PPFIA1: variants seen among roughly 807,000 people sequenced by gnomAD.
The protein encoded by PPFIA1 is liprin-alpha-1.
A neutral mutation model predicts 149.9 loss-of-function variants in PPFIA1; 25 were observed. The observed-to-expected ratio is 0.17, with a 90% CI of 0.12 to 0.23. The LOEUF (loss-of-function observed/expected upper bound fraction) is 0.23. Ranked by LOEUF, PPFIA1 falls within the 10% of genes least tolerant of loss-of-function variation. PPFIA1 has a pLI of 1.00. For synonymous variants in PPFIA1, 549 were observed against 552.8 expected, an observed-to-expected ratio of 0.99 and a Z score of 0.10; for missense variants, 1,362 against 1,506.5, an observed-to-expected ratio of 0.90 and a Z score of 1.59.
intron 2 of PPFIA1, chr11:70,279,059 C>A: frequency 7.8e-6 from 4 of 514,358 alleles, no homozygotes; most frequent in Non-Finnish European, 1.5e-5. Flanking sequence ...GGGTAGTATG[C>A]TTTACTGTGA....
At chr11:70,293,263 C>T (rs2051661752) in intron 2 of PPFIA1, among the ~76,000 whole-genome samples, 1 of 152,180 alleles carries the variant, frequency 6.6e-6, no homozygotes, top group South Asian at 2.1e-4. Context: ...CAGTTTTTTT[C>T]CCCTTCTTCA....
At chr11:70,271,411 C>T (rs1432646111) in intron 1 of PPFIA1, 1 of 152,424 alleles carries the variant, frequency 6.6e-6, no homozygotes, top group East Asian at 1.9e-4. Context: ...TTCCCTGGCG[C>T]TGTCTTTATA....
At chr11:70,299,544 C>G (rs2052331837) in intron 2 of PPFIA1, among the ~76,000 whole-genome samples, 2 of 152,150 alleles carry the variant, frequency 1.3e-5, no homozygotes, top group African/African-American at 2.4e-5. Flanking sequence ...CAGCCTTTAT[C>G]GTGGGGTCTT....
At chr11:70,355,506 T>C (rs1450174236) in intron 17 of PPFIA1, 133 bp from the exon 18 acceptor site, 1 of 865,058 alleles carries the variant, frequency 1.2e-6, no homozygotes, top group Non-Finnish European at 1.7e-6. Flanking sequence ...TCTGCCTTTA[T>C]CATGCATGAT....
At chr11:70,358,083 A>G (rs2056442803) in intron 19 of PPFIA1, 1 of 152,202 alleles carries the variant, frequency 6.6e-6, no homozygotes, top group Admixed American at 6.5e-5. Context: ...CTTGGGATCC[A>G]TGTGGAAGTT....
At chr11:70,311,415 C>T (rs770793817) in intron 2 of PPFIA1, among the ~76,000 whole-genome samples, 1 of 152,126 alleles carries the variant, frequency 6.6e-6, no homozygotes, top group African/African-American at 2.4e-5. Flanking sequence ...CCACTTCATG[C>T]GTCGGAATGC....
intron 2 of PPFIA1, among the ~76,000 whole-genome samples, chr11:70,274,313 A>G (rs1244549429): frequency 1.3e-5 from 2 of 152,152 alleles, no homozygotes; most frequent in East Asian, 1.9e-4. Flanking sequence ...AAATTCACAA[A>G]TCGTAAGTAT....
At chr11:70,343,552 C>T in intron 14 of PPFIA1, 117 bp from the exon 15 acceptor site, 3 of 870,402 alleles carry the variant, frequency 3.4e-6, no homozygotes, top group Non-Finnish European at 5.4e-6. Flanking sequence ...AAGCATGGCC[C>T]ATCTTTCTAA....
intron 2 of PPFIA1, among the ~76,000 whole-genome samples, chr11:70,321,892 G>A (rs565364538): frequency 2.8e-4 from 43 of 152,294 alleles, no homozygotes; most frequent in African/African-American, 1.0e-3. Context: ...TTTTTGAGAT[G>A]GAGTTTCGCT....
At chr11:70,335,866 T>C (rs1233797344) in intron 11 of PPFIA1, among the ~76,000 whole-genome samples, 172 bp downstream of exon 11, 6 of 152,200 alleles carry the variant, frequency 3.9e-5, no homozygotes, top group Admixed American at 6.5e-5. Flanking sequence ...AATTAACTTA[T>C]TGTTTGCTAA....
At chr11:70,349,640 G>C (rs935400725) in intron 16 of PPFIA1, among the ~76,000 whole-genome samples, 1 of 152,044 alleles carries the variant, frequency 6.6e-6, no homozygotes, top group Non-Finnish European at 1.5e-5. Context: ...TTAAATCGAC[G>C]GTGAATCATT....
At chr11:70,382,488 G>A (rs1291755431) in intron 27 of PPFIA1, among the ~76,000 whole-genome samples, 2 of 152,150 alleles carry the variant, frequency 1.3e-5, no homozygotes, top group African/African-American at 4.8e-5. Context: ...GAGAGCGTCA[G>A]GGGAGAGTCT....
At position 70,356,217 on chromosome 11, in the gene PPFIA1, G is replaced by C. The variant is rs541483000; in HGVS notation, c.2545G>C (p.Gly849Arg). 19 of 1,613,762 alleles carry C rather than the reference G, an allele frequency of 1.2e-5. No homozygotes were observed. Among genetic ancestry groups the C allele is most frequent in the East Asian group, 2.2e-5 (1 of 44,878 alleles). ...SQDALGLSKL[G>R]GQAEKNRKLQ... is the part of the protein sequence containing the mutation. ...GGATGCCTTGGGACTTAGCAAATTG[G>C]GGGGACAGGCTGAAAAAAATCGTAA... is the stretch of plus-strand genomic sequence containing the variant. The change falls in exon 19 of 28, where the codon GGG (glycine) becomes CGG (arginine). Residue 849 changes from glycine (G) to arginine (R), a missense_variant. Around this residue, in one of 7 missense-constraint regions of PPFIA1, gnomAD observed 91 missense variants for 91.2 expected, o/e 1.00. Transcript: ENST00000253925.
chr11:70,366,633 A>G (rs1011661939), intron 21 of PPFIA1, among the ~76,000 whole-genome samples: 3 of 152,240 alleles, frequency 2.0e-5, no homozygotes, highest in East Asian at 3.8e-4. Context: ...TCAGTGGCAC[A>G]TTGCAGCCAT....
chr11:70,319,611 A>G (rs928731740), intron 2 of PPFIA1, among the ~76,000 whole-genome samples: 1 of 152,158 alleles, frequency 6.6e-6, no homozygotes, highest in African/African-American at 2.4e-5. Flanking sequence ...CCTTATGCTA[A>G]TGACTGACTG....
chr11:70,285,681 A>G (rs1399594450), intron 2 of PPFIA1, among the ~76,000 whole-genome samples: 5 of 124,572 alleles, frequency 4.0e-5, no homozygotes, highest in Non-Finnish European at 7.5e-5. Flanking sequence ...CTCTGTCTCA[A>G]AAAAAAAAAA....
At chr11:70,280,831 G>A (rs1337359481) in intron 2 of PPFIA1, among the ~76,000 whole-genome samples, 1 of 152,158 alleles carries the variant, frequency 6.6e-6, no homozygotes, top group African/African-American at 2.4e-5. Flanking sequence ...ACATGTCAAA[G>A]CACTGGGATT....
chr11:70,314,963 C>T (rs1282634897), intron 2 of PPFIA1, among the ~76,000 whole-genome samples: 1 of 152,068 alleles, frequency 6.6e-6, no homozygotes, highest in South Asian at 2.1e-4. Flanking sequence ...GGCGGCAGGA[C>T]GGAGTGCATG....
chr11:70,319,893 G>T (rs979132988), intron 2 of PPFIA1: 3 of 152,174 alleles, frequency 2.0e-5, no homozygotes, highest in African/African-American at 7.2e-5. Flanking sequence ...CAATTCAAGT[G>T]CTGTGTCCTT....
Sources: gnomAD v4.1 joint callset for allele counts (sites outside exome capture counted in the v4.1 genomes callset) on GRCh38, gnomAD v4.1.1 for gene constraint, gnomAD v4.1.1 regional missense constraint, MANE v1.5 for transcripts, NCBI Gene and HGNC (gene_info 2026-07-23, HGNC 2026-07-21) for gene names.